The following ZNF169 variants were observed in gnomAD, a reference collection of about 807,000 sequenced individuals.
ZNF169 encodes the protein zinc finger protein 169.
Under a neutral mutation model 12.0 loss-of-function variants are expected in ZNF169, and 11 were observed. The observed-to-expected ratio is 0.92, with a 90% CI of 0.58 to 1.52. The LOEUF (loss-of-function observed/expected upper bound fraction) is 1.52. ZNF169 is among the 40% of genes most tolerant of loss of function. The probability of loss-of-function intolerance (pLI) is 0.00; values close to 1 mark genes in which losing one functional copy is unlikely to be tolerated. For missense variants in ZNF169, 722 were observed against 744.0 expected (o/e 0.97, Z 0.34); for synonymous variants, 302 against 286.5 (o/e 1.05, Z -0.55).
intron 1 of ZNF169, among the ~76,000 whole-genome samples, chr9:94,272,217 AT>A (rs1587673001): frequency 6.6e-6 from 1 of 151,470 alleles, no homozygotes; most frequent in African/African-American, 2.4e-5. Flanking sequence ...TAATTTAATC[AT>A]TTTTCCTAGG....
chr9:94,300,925 A>G lies in ZNF169; in HGVS notation c.1367A>G (p.Lys456Arg), dbSNP rs1831057822. 2.5e-6 allele frequency: 4 copies of G among 1,613,608 alleles called. No individual in the cohort carries two copies. The highest frequency in any genetic ancestry group is 3.4e-6 in the Non-Finnish European group (4 of 1,179,904). ...CACCAGAGGACACACACAGGGGAGA[A>G]GCCCTACCTGTGCCCTGATTGTGGG... ...IGHQRTHTGE[K>R]PYLCPDCGRG... The change falls in exon 5 of 5, where the codon AAG becomes AGG. Residue 456 changes from lysine to arginine, a missense_variant. Transcript: ENST00000395395.
intron 1 of ZNF169, among the ~76,000 whole-genome samples, chr9:94,260,276 C>T (rs1830177474): frequency 1.3e-5 from 2 of 152,176 alleles, no homozygotes; most frequent in African/African-American, 4.8e-5. Flanking sequence ...TGGTCTCGAA[C>T]TCCTGACCTC....
At chr9:94,288,136 G>A in intron 2 of ZNF169, 2 of 821,492 alleles carry the variant, frequency 2.4e-6, no homozygotes, top group East Asian at 2.5e-5. Context: ...AGAGCACCCT[G>A]GAATGAGGGC....
chr9:94,284,599 C>CA (rs1218783254), intron 2 of ZNF169, among the ~76,000 whole-genome samples: 1 of 151,980 alleles, frequency 6.6e-6, no homozygotes, highest in Non-Finnish European at 1.5e-5. Context: ...TATTTCTGTA[C>CA]ATTTGCAATG....
intron 1 of ZNF169, among the ~76,000 whole-genome samples, chr9:94,268,160 G>A (rs994570805): frequency 5.3e-5 from 8 of 152,048 alleles, no homozygotes; most frequent in South Asian, 4.2e-4. Context: ...ATGAGCCACC[G>A]TGTCTAGCCT....
chr9:94,270,839 ATT>A (rs1830396489), intron 1 of ZNF169, among the ~76,000 whole-genome samples: 1 of 9,562 alleles, frequency 1.0e-4, no homozygotes, highest in East Asian at 4.1e-3. Context: ...AAATATATAT[ATT>A]ATATTATATA....
chr9:94,299,845 C>G lies in ZNF169; in HGVS notation c.287C>G (p.Pro96Arg). 1 of 1,613,632 alleles carries G rather than the reference C, an allele frequency of 6.2e-7. No homozygotes were observed. The highest frequency in any genetic ancestry group is 8.5e-7 in the Non-Finnish European group (1 of 1,179,820). ...EPRTEFQPSFPHLVAFSSSQL... is the reference protein window; with the variant it reads ...EPRTEFQPSFRHLVAFSSSQL... ...AGAACAGAATTCCAGCCAAGTTTTC[C>G]CCACCTGGTGGCCTTTTCTAGCTCG... The change falls in exon 5 of 5, where the codon CCC becomes CGC. Residue 96 changes from proline (P) to arginine (R), a missense_variant. Physicochemically the swap from Pro to Arg is moderately radical, Grantham distance 103 (BLOSUM62 -2). Transcript: ENST00000395395.
chr9:94,269,494 G>T (rs112146129), intron 1 of ZNF169, among the ~76,000 whole-genome samples: 1 of 152,064 alleles, frequency 6.6e-6, no homozygotes, highest in African/African-American at 2.4e-5. Context: ...AACCTCACCC[G>T]GCAGCTGCTG....
rs1294014774 is a variant in ZNF169, at chr9:94,280,925, G to A, written c.33+2080G>A. ...TGTGAACTACTGAGTAGAACTGGCG[G>A]GAAAGTTGTTTACTGAAACTAGAGG... On this transcript the variant is annotated intron_variant, in intron 2 of 4. Coordinates refer to ENST00000395395, the MANE Select transcript of ZNF169 (RefSeq NM_194320.4). Among the ~76,000 whole-genome samples, 3 of 152,124 alleles carry A rather than the reference G, an allele frequency of 2.0e-5. No individual in the cohort carries two copies. The East Asian group carries it at 5.8e-4, about 29-fold the overall frequency.
intron 1 of ZNF169, among the ~76,000 whole-genome samples, chr9:94,262,827 T>A: frequency 6.6e-6 from 1 of 152,172 alleles, no homozygotes; most frequent in Non-Finnish European, 1.5e-5. Flanking sequence ...GTGAAAGTCA[T>A]CAAAAAAATT....
chr9:94,288,972 AT>A (rs1264973618), intron 2 of ZNF169, among the ~76,000 whole-genome samples: 1 of 152,364 alleles, frequency 6.6e-6, no homozygotes, highest in Admixed American at 6.5e-5. Flanking sequence ...AAACTTGTTG[AT>A]GGCTGAAGCA....
At chr9:94,273,821 C>T (rs1029981247) in intron 1 of ZNF169, among the ~76,000 whole-genome samples, 5 of 152,060 alleles carry the variant, frequency 3.3e-5, no homozygotes, top group African/African-American at 4.8e-5. Flanking sequence ...CCTTGTGATC[C>T]GCCCAGCTTG....
At chr9:94,290,493 T>C (rs566947559) in intron 2 of ZNF169, among the ~76,000 whole-genome samples, 37 of 152,308 alleles carry the variant, frequency 2.4e-4, no homozygotes, top group African/African-American at 8.7e-4. Flanking sequence ...AGTGGAATCA[T>C]ATATTTGTCC....
In ZNF169 at chr9:94,300,141, G is replaced by A. The variant is rs1327097559; in HGVS notation, c.583G>A (p.Gly195Arg). The change falls in exon 5 of 5, where the codon GGG becomes AGG. Residue 195 changes from glycine to arginine, a missense_variant. By Grantham distance (125) the Gly-to-Arg change is moderately radical. Transcript: ENST00000395395. Reference protein sequence around the residue: ...DLRLAQRMSLGGSDTMLKGAD... With the variant: ...DLRLAQRMSLRGSDTMLKGAD... ...TCGCCTGGCCCAAAGGATGAGTCTT[G>A]GGGGGTCAGACACAATGTTGAAGGG... is the stretch of plus-strand genomic sequence containing the variant. 4 of 1,614,028 alleles carry A rather than the reference G, an allele frequency of 2.5e-6. No homozygotes were observed. The highest frequency in any genetic ancestry group is 1.7e-5 in the Admixed American group (1 of 59,992).
intron 4 of ZNF169, 124 bp from the exon 5 acceptor site, chr9:94,299,691 T>C: frequency 6.8e-7 from 1 of 1,461,998 alleles, no homozygotes; most frequent in Non-Finnish European, 9.0e-7. Context: ...CAATAGAGCA[T>C]GTAATGTGCC....
intron 1 of ZNF169, among the ~76,000 whole-genome samples, chr9:94,271,105 T>A (rs1830414167): frequency 7.0e-6 from 1 of 143,532 alleles, no homozygotes; most frequent in African/African-American, 2.6e-5. Flanking sequence ...TTGTTTTATT[T>A]TATTATTTTT....
At chr9:94,275,441 T>G (rs1830502051) in intron 1 of ZNF169, among the ~76,000 whole-genome samples, 1 of 152,206 alleles carries the variant, frequency 6.6e-6, no homozygotes, top group Admixed American at 6.5e-5. Flanking sequence ...TATTCTATAC[T>G]TGTTGGGTTT....
chr9:94,279,411 G>A (rs114372974), intron 2 of ZNF169, among the ~76,000 whole-genome samples: 2,092 of 150,526 alleles, frequency 0.014, 62 homozygotes, highest in African/African-American at 0.049. Flanking sequence ...GTATAAGAAG[G>A]CTCTCAAAAG....
intron 1 of ZNF169, among the ~76,000 whole-genome samples, chr9:94,265,289 A>G (rs1211403966): frequency 6.6e-6 from 1 of 152,024 alleles, no homozygotes; most frequent in Non-Finnish European, 1.5e-5. Context: ...ACTCAAAATT[A>G]CAAAGTTTTG....
Sources: allele counts gnomAD v4.1 joint callset (sites outside exome capture counted in the v4.1 genomes callset), GRCh38; gene constraint gnomAD v4.1.1; transcripts MANE v1.5; gene names NCBI Gene and HGNC (gene_info 2026-07-23, HGNC 2026-07-21).